ABCB4: variants seen among roughly 807,000 people sequenced by gnomAD.
ABCB4 encodes phosphatidylcholine translocator ABCB4.
Under a neutral mutation model 145.7 loss-of-function variants are expected in ABCB4, and 76 were observed. That is an observed-to-expected ratio of 0.52 (90% CI 0.43 to 0.63). The LOEUF is 0.63. ABCB4 is among the 30% of genes least tolerant of loss of function. The probability of loss-of-function intolerance (pLI) is 0.00; values close to 1 mark genes in which losing one functional copy is unlikely to be tolerated. For missense variants in ABCB4, 1,234 were observed against 1,553.1 expected, an observed-to-expected ratio of 0.79 and a Z score of 3.45; for synonymous variants, 517 against 566.8, an observed-to-expected ratio of 0.91 and a Z score of 1.25.
chr7:87,370,496 T>TTTAATATCATTAAACACTG, the ABCB4 span, among the ~76,000 whole-genome samples: 1 of 152,216 alleles, frequency 6.6e-6, no homozygotes, highest in South Asian at 2.1e-4. Flanking sequence ...TAAACAGTGT[T>TTTAATATCATTAAACACTG]TTAATATCAT....
intron 12 of ABCB4, among the ~76,000 whole-genome samples, chr7:87,442,762 AAAT>A (rs1054908652): frequency 6.6e-6 from 1 of 152,176 alleles, no homozygotes; most frequent in Non-Finnish European, 1.5e-5. Context: ...AATTTTCTGT[AAAT>A]TCAAATTTAT....
At chr7:87,374,403 A>C in the ABCB4 span, among the ~76,000 whole-genome samples, 2 of 152,070 alleles carry the variant, frequency 1.3e-5, no homozygotes, top group Admixed American at 6.5e-5. Flanking sequence ...CATTTCAGGG[A>C]GGAAGTAAAA....
chr7:87,385,588 G>A, the ABCB4 span, among the ~76,000 whole-genome samples: 2 of 152,042 alleles, frequency 1.3e-5, no homozygotes, highest in African/African-American at 4.8e-5. Context: ...ATGGCTGTTT[G>A]TTGGTGTCTT....
the ABCB4 span, among the ~76,000 whole-genome samples, chr7:87,369,007 C>T: frequency 2.1e-3 from 314 of 152,222 alleles, 1 homozygote; most frequent in African/African-American, 7.2e-3. Flanking sequence ...TTAAAATAAT[C>T]CAAAAGAGAA....
At chr7:87,414,337 C>T (rs1808825055) in intron 21 of ABCB4, among the ~76,000 whole-genome samples, 1 of 152,176 alleles carries the variant, frequency 6.6e-6, no homozygotes, top group Non-Finnish European at 1.5e-5. Flanking sequence ...AGGCTGATGT[C>T]ACATTGGGTA....
At chr7:87,444,713 T>C (rs1278983849) in intron 10 of ABCB4, 149 bp downstream of exon 10, 5 of 604,038 alleles carry the variant, frequency 8.3e-6, no homozygotes, top group Non-Finnish European at 1.2e-5. Context: ...CATTTATTAC[T>C]AACAGGTCAT....
chr7:87,372,582 C>T, the ABCB4 span, among the ~76,000 whole-genome samples: 2 of 152,128 alleles, frequency 1.3e-5, no homozygotes, highest in Non-Finnish European at 2.9e-5. Context: ...TTTACATAAA[C>T]ATCTGGATTT....
chr7:87,475,474 G>T lies in ABCB4; in HGVS notation c.-6-3C>A, dbSNP rs781687007. ...GCCGCCTCAAGATCCATCTCAGCCT[G>T]AGGAGAAACCACAGCCTCAGAACCA... On this transcript the variant is annotated splice_polypyrimidine_tract_variant and splice_region_variant and intron_variant, in intron 1 of 27. Coordinates refer to ENST00000649586, the MANE Select transcript of ABCB4 (RefSeq NM_000443.4). 1.5e-5 allele frequency: 25 copies of T among 1,614,042 alleles called. No individual in the cohort carries two copies. Among genetic ancestry groups the T allele is most frequent in the Non-Finnish European group, 2.1e-5 (25 of 1,180,028 alleles).
At chr7:87,424,178 A>C (rs1351178901) in intron 16 of ABCB4, 126 bp from the exon 17 acceptor site, 1 of 1,089,446 alleles carries the variant, frequency 9.2e-7, no homozygotes, top group Non-Finnish European at 1.4e-6. Context: ...ATGACAAGCA[A>C]ACTACTAGAG....
chr7:87,459,886 T>G (rs1160372121), intron 4 of ABCB4, among the ~76,000 whole-genome samples: 1 of 152,222 alleles, frequency 6.6e-6, no homozygotes, highest in Non-Finnish European at 1.5e-5. Flanking sequence ...CCATTGGTGC[T>G]CTAATAAATG....
At chr7:87,416,448 A>G (rs1445593580) in intron 21 of ABCB4, among the ~76,000 whole-genome samples, 1 of 152,208 alleles carries the variant, frequency 6.6e-6, no homozygotes, top group Non-Finnish European at 1.5e-5. Context: ...AACCTATATC[A>G]CAATTTATAT....
At chr7:87,394,144 A>G in the ABCB4 span, among the ~76,000 whole-genome samples, 5 of 152,290 alleles carry the variant, frequency 3.3e-5, no homozygotes, top group Admixed American at 3.3e-4. Context: ...TTTCAATCAT[A>G]ATTGCATTAA....
In ABCB4 at chr7:87,451,612, C is replaced by G. The variant is rs748525136; in HGVS notation, c.708+11G>C. 12 of 1,613,998 alleles carry G rather than the reference C, an allele frequency of 7.4e-6. No individual in the cohort carries two copies. The highest frequency in any genetic ancestry group is 2.2e-5 in the South Asian group (2 of 91,086). On this transcript the variant is annotated intron_variant, in intron 7 of 27. Coordinates refer to ENST00000649586, the MANE Select transcript of ABCB4 (RefSeq NM_000443.4). ...GGTTAACACACATAAAAAGGCCCAGCTTTCACATACCTTTGCCCAAACGGC... is the reference window on the plus strand; with the variant it reads ...GGTTAACACACATAAAAAGGCCCAGGTTTCACATACCTTTGCCCAAACGGC...
At chr7:87,422,252 C>T in intron 17 of ABCB4, 27 bp from the exon 18 acceptor site, 2 of 1,541,602 alleles carry the variant, frequency 1.3e-6, no homozygotes, top group Non-Finnish European at 9.0e-7. Context: ...AAAACGCCCA[C>T]TTGGATTACA....
intron 18 of ABCB4, 44 bp downstream of exon 18, chr7:87,422,077 T>C (rs764607382): frequency 1.5e-6 from 2 of 1,361,048 alleles, no homozygotes; most frequent in South Asian, 2.5e-5. Context: ...ATTTCTCTAA[T>C]TAAATTATAA....
chr7:87,436,081 G>C (rs1810586784), intron 14 of ABCB4, among the ~76,000 whole-genome samples: 1 of 152,188 alleles, frequency 6.6e-6, no homozygotes, highest in South Asian at 2.1e-4. Context: ...CTATAGGAGA[G>C]ACAAGTGGAT....
intron 15 of ABCB4, among the ~76,000 whole-genome samples, chr7:87,427,144 A>G (rs1584715920): frequency 6.6e-6 from 1 of 152,192 alleles, no homozygotes; most frequent in African/African-American, 2.4e-5. Context: ...AAATCGGAGT[A>G]TAAGAATATT....
the ABCB4 span, among the ~76,000 whole-genome samples, chr7:87,366,179 G>T: frequency 6.6e-6 from 1 of 152,114 alleles, no homozygotes; most frequent in African/African-American, 2.4e-5. Flanking sequence ...TTCTCTAAAA[G>T]ATGTTACTAA....
the ABCB4 span, chr7:87,381,989 G>A: frequency 6.2e-7 from 1 of 1,600,928 alleles, no homozygotes; most frequent in Admixed American, 1.7e-5. Context: ...GAAGGAAGAT[G>A]GAAGGTATGT....
Sources: gnomAD v4.1 joint callset for allele counts (sites outside exome capture counted in the v4.1 genomes callset) on GRCh38, gnomAD v4.1.1 for gene constraint, MANE v1.5 for transcripts, NCBI Gene and HGNC (gene_info 2026-07-23, HGNC 2026-07-21) for gene names.